SLC25A36: variants seen among roughly 807,000 people sequenced by gnomAD.
The protein encoded by SLC25A36 is epididymis secretory sperm binding protein.
A neutral mutation model predicts 35.3 loss-of-function variants in SLC25A36; 24 were observed. The ratio of observed to expected loss-of-function variants is 0.68; its 90% CI spans 0.49 to 0.96. The LOEUF (loss-of-function observed/expected upper bound fraction) is 0.96, where lower values mean the gene tolerates loss of function less well. Among genes scored for constraint, SLC25A36 ranks in the 40% least tolerant of loss-of-function variants. SLC25A36 has a pLI of 0.00. For synonymous variants in SLC25A36, 141 were observed against 132.2 expected, an observed-to-expected ratio of 1.07 and a Z score of -0.46; for missense variants, 294 against 381.1, an observed-to-expected ratio of 0.77 and a Z score of 1.90.
At chr3:140,974,236 A>G (rs1420960843) in intron 6 of SLC25A36, among the ~76,000 whole-genome samples, 3 of 152,128 alleles carry the variant, frequency 2.0e-5, no homozygotes, top group Admixed American at 6.5e-5. Context: ...GTCAAATTCC[A>G]GCCTTACTCA....
At chr3:140,970,716 A>G (rs1934878449) in intron 4 of SLC25A36, 4 of 374,898 alleles carry the variant, frequency 1.1e-5, no homozygotes, top group Middle Eastern at 8.0e-4. Flanking sequence ...CTTTTAAAAG[A>G]ATCTGTTAGT....
chr3:140,944,110 A>G (rs985768869), intron 1 of SLC25A36, among the ~76,000 whole-genome samples: 2 of 152,206 alleles, frequency 1.3e-5, no homozygotes, highest in African/African-American at 4.8e-5. Context: ...AGTTCAGTAA[A>G]ACACACCTTA....
At chr3:140,961,034 G>A (rs1244616300) in intron 3 of SLC25A36, among the ~76,000 whole-genome samples, 1 of 152,160 alleles carries the variant, frequency 6.6e-6, no homozygotes, top group Non-Finnish European at 1.5e-5. Flanking sequence ...ATAGAACACT[G>A]TATAAAGTTC....
At chr3:140,975,198 C>G (rs1935010804) in intron 6 of SLC25A36, among the ~76,000 whole-genome samples, 1 of 136,726 alleles carries the variant, frequency 7.3e-6, no homozygotes, top group Admixed American at 8.6e-5. Flanking sequence ...ACCTTGAACT[C>G]CAAGGCTCAA....
At chr3:140,958,959 TTTG>T (rs1488817877) in intron 2 of SLC25A36, among the ~76,000 whole-genome samples, 2 of 123,924 alleles carry the variant, frequency 1.6e-5, no homozygotes, top group Non-Finnish European at 3.3e-5. Flanking sequence ...AAAACAATGT[TTTG>T]TGTGTGTGTG....
chr3:140,979,556 T>G lies in SLC25A36; in HGVS notation c.*3103T>G, dbSNP rs1282785746. ...TAGGTATTTCTGAATGATTTAAATT[T>G]GAGGAATTTTAATACATAAAATACA... On this transcript the variant is annotated 3_prime_UTR_variant, in exon 7 of 7. Transcript: ENST00000324194. 1 of 152,190 alleles carries G rather than the reference T, an allele frequency of 6.6e-6. No individual in the cohort carries two copies. Among genetic ancestry groups the G allele is most frequent in the Non-Finnish European group, 1.5e-5 (1 of 68,020 alleles). The allele number at this position is 152,190 out of a possible 1,614,324, so 9.4% of individuals were successfully genotyped here.
Position 140,977,999 on chromosome 3 carries a change from TA to T in SLC25A36, c.*1549del, listed in dbSNP as rs1248440576. On this transcript the variant is annotated 3_prime_UTR_variant, in exon 7 of 7. Coordinates refer to ENST00000324194, the MANE Select transcript of SLC25A36 (RefSeq NM_001104647.3). ...GTGTTCATAACATTTTTCTGGGTTTTAAATATGTTGTTTCGGATATCCTTAA... is the reference window on the plus strand; with the variant it reads ...GTGTTCATAACATTTTTCTGGGTTTTAATATGTTGTTTCGGATATCCTTAA... The T allele has an allele frequency of 6.6e-6, 1 of 152,092 alleles. No individual in the cohort carries two copies. The highest frequency in any genetic ancestry group is 1.9e-4 in the East Asian group (1 of 5,194). 9.4% of individuals were successfully genotyped at this position (152,092 alleles called of 1,614,324 possible). A position where few individuals can be genotyped will look rare whatever the true frequency, so the allele number is the denominator to read the frequency against.
chr3:140,975,146 C>T (rs1935009917), intron 6 of SLC25A36, among the ~76,000 whole-genome samples: 2 of 104,908 alleles, frequency 1.9e-5, no homozygotes, highest in African/African-American at 6.9e-5. Context: ...CTCACTGTGT[C>T]ACCCAGGCTT....
At chr3:140,958,960 TTGTGTGTGTGTG>T (rs377492880) in intron 2 of SLC25A36, among the ~76,000 whole-genome samples, 2,066 of 112,616 alleles carry the variant, frequency 0.018, 33 homozygotes, top group African/African-American at 0.044. Flanking sequence ...AAACAATGTT[TTGTGTGTGTGTG>T]TGTGTGTGTG....
chr3:140,941,931 G>A lies in SLC25A36; in HGVS notation c.-124G>A. The A allele has an allele frequency of 1.7e-6, 1 of 596,244 alleles. No individual in the cohort carries two copies. The highest frequency in any genetic ancestry group is 2.9e-6 in the Non-Finnish European group (1 of 348,298). The allele number at this position is 596,244 out of a possible 1,614,324, so 36.9% of individuals were successfully genotyped here. A position where few individuals can be genotyped will look rare whatever the true frequency, so the allele number is the denominator to read the frequency against. ...CGGTTGCTTTCTGCAGCCGCATCTC[G>A]GCCAGCTCTCCTCGCCGTCCCCGGG... On this transcript the variant is annotated 5_prime_UTR_variant, in exon 1 of 7. Transcript: ENST00000324194.
intron 1 of SLC25A36, among the ~76,000 whole-genome samples, chr3:140,951,840 T>TGTC (rs1447292655): frequency 6.6e-6 from 1 of 151,948 alleles, no homozygotes; most frequent in Admixed American, 6.6e-5. Flanking sequence ...TTGTTGTTGT[T>TGTC]GTCATTGTTT....
chr3:140,958,720 C>T lies in SLC25A36; in HGVS notation c.207-743C>T, dbSNP rs371372016. Among the ~76,000 whole-genome samples the T allele has an allele frequency of 5.9e-5, 9 of 152,134 alleles. 1 individual carries two copies. The East Asian group carries it at 1.2e-3, about 20-fold the overall frequency. On this transcript the variant is annotated intron_variant, in intron 2 of 6. Transcript: ENST00000324194. The stretch of plus-strand genomic sequence containing the variant: ...CAATGTTGAGTAAAAGACCTGAAAA[C>T]TAGGAAGGAACTACATTTCTAATTG...
chr3:140,958,276 TATTCCTTCTCACTGCCAA>T (rs1425217925), intron 2 of SLC25A36, among the ~76,000 whole-genome samples: 1 of 152,238 alleles, frequency 6.6e-6, no homozygotes, highest in African/African-American at 2.4e-5. Flanking sequence ...CTTCAGTTTC[TATTCCTTCTCACTGCCAA>T]AACTTCATTT....
intron 3 of SLC25A36, among the ~76,000 whole-genome samples, chr3:140,961,671 CA>C (rs1198287482): frequency 6.6e-6 from 1 of 151,612 alleles, no homozygotes; most frequent in African/African-American, 2.4e-5. Context: ...CTGGCTAACA[CA>C]GTGAAACCCC....
At chr3:140,972,760 T>C (rs1200023277) in intron 5 of SLC25A36, 1 of 152,152 alleles carries the variant, frequency 6.6e-6, no homozygotes, top group African/African-American at 2.4e-5. Flanking sequence ...GTGGATCATT[T>C]ATCTAATAGG....
chr3:140,966,996 G>A (rs1219517840), intron 4 of SLC25A36: 1 of 456,148 alleles, frequency 2.2e-6, no homozygotes, highest in Non-Finnish European at 4.4e-6. Flanking sequence ...CTCCCCATCC[G>A]CAGGTCACTT....
At chr3:140,958,375 G>A (rs1025154107) in intron 2 of SLC25A36, among the ~76,000 whole-genome samples, 1 of 152,114 alleles carries the variant, frequency 6.6e-6, no homozygotes, top group Non-Finnish European at 1.5e-5. Flanking sequence ...GGGCATATAT[G>A]TATCTAGGTT....
At chr3:140,954,628 A>G (rs751807332) in intron 1 of SLC25A36, among the ~76,000 whole-genome samples, 2 of 152,210 alleles carry the variant, frequency 1.3e-5, no homozygotes, top group Non-Finnish European at 2.9e-5. Context: ...CCCTGATGAC[A>G]AATGATTTGC....
At chr3:140,970,780 C>T (rs1222140480) in intron 4 of SLC25A36, 147 bp from the exon 5 acceptor site, 7 of 439,606 alleles carry the variant, frequency 1.6e-5, no homozygotes, top group South Asian at 1.1e-4. Flanking sequence ...AAATGTTTGT[C>T]GTATGTGAAA....
Sources: allele counts gnomAD v4.1 joint callset (sites outside exome capture counted in the v4.1 genomes callset), GRCh38; gene constraint gnomAD v4.1.1; transcripts MANE v1.5; gene names NCBI Gene and HGNC (gene_info 2026-07-23, HGNC 2026-07-21).